The following SLC24A3 variants were observed in gnomAD, a reference collection of about 807,000 sequenced individuals.
SLC24A3 encodes solute carrier family 24 member 3.
In SLC24A3, 28 loss-of-function variants were observed where a neutral mutation model predicts 75.8. The observed-to-expected ratio is 0.37, with a 90% confidence interval of 0.27 to 0.51. SLC24A3 has a LOEUF of 0.51. Ranked by LOEUF, SLC24A3 falls within the 20% of genes least tolerant of loss-of-function variation. The pLI is 0.94. For synonymous variants in SLC24A3, 372 were observed against 334.1 expected, an observed-to-expected ratio of 1.11 and a Z score of -1.24; for missense variants, 663 against 847.8, an observed-to-expected ratio of 0.78 and a Z score of 2.71.
At chr20:19,713,340 T>C (rs2033009819) in intron 15 of SLC24A3, among the ~76,000 whole-genome samples, 2 of 152,124 alleles carry the variant, frequency 1.3e-5, no homozygotes, top group South Asian at 4.1e-4. Flanking sequence ...CTACATAGAC[T>C]CAAAATAATT....
At chr20:19,533,148 C>G (rs3790251) in intron 3 of SLC24A3, among the ~76,000 whole-genome samples, 133,946 of 152,224 alleles carry the variant, frequency 0.88, 59,091 homozygotes, top group Middle Eastern at 0.92. Flanking sequence ...GCTCCTGCTT[C>G]AGGTCTCTCA....
chr20:19,659,281 C>T (rs1000501828), intron 7 of SLC24A3, among the ~76,000 whole-genome samples: 1 of 152,228 alleles, frequency 6.6e-6, no homozygotes, highest in African/African-American at 2.4e-5. Context: ...AACACGTCTC[C>T]TTCCTTCCCT....
rs749347112 is a variant in SLC24A3 at position 19,696,849 on chromosome 20, C to T, written c.1544C>T (p.Thr515Ile). Residue 515 changes from threonine to isoleucine, a missense_variant, in exon 14 of 17, where the codon ACC becomes ATC. Transcript: ENST00000328041. ...LGIPDVIMGI[T>I]FLAAGTSVPD... ...ATTCCTGACGTCATCATGGGGATCA[C>T]CTTCCTGGCTGCTGGGACCAGCGTG... 6.2e-7 allele frequency: 1 copy of T among 1,614,040 alleles called. No individual in the cohort carries two copies. The highest frequency in any genetic ancestry group is 2.2e-5 in the East Asian group (1 of 44,858).
chr20:19,721,268 C>A lies in SLC24A3; in HGVS notation c.*128C>A. The A allele has an allele frequency of 7.9e-7, 1 of 1,261,740 alleles. No individual in the cohort carries two copies. The highest frequency in any genetic ancestry group is 1.1e-6 in the Non-Finnish European group (1 of 917,350). The allele number at this position is 1,261,740 out of a possible 1,614,324, so 78.2% of individuals were successfully genotyped here. The stretch of plus-strand genomic sequence containing the variant: ...CTCCTGTGCTGTCCTCAGGCCTCCG[C>A]TCCTGTTTTGGTGGCCCAGGCTCTC... On this transcript the variant is annotated 3_prime_UTR_variant, in exon 17 of 17. Transcript: ENST00000328041.
At chr20:19,329,729 C>A (rs1984955071) in intron 2 of SLC24A3, among the ~76,000 whole-genome samples, 1 of 152,134 alleles carries the variant, frequency 6.6e-6, no homozygotes, top group Non-Finnish European at 1.5e-5. Context: ...ATATTTTTCC[C>A]CCTTCATAGC....
At chr20:19,642,764 T>C (rs1024464358) in intron 6 of SLC24A3, among the ~76,000 whole-genome samples, 3 of 152,230 alleles carry the variant, frequency 2.0e-5, no homozygotes, top group Non-Finnish European at 2.9e-5. Context: ...CTAAAAAATA[T>C]TCAGCTCCTT....
At chr20:19,251,522 C>T (rs1469032573) in intron 1 of SLC24A3, among the ~76,000 whole-genome samples, 1 of 152,124 alleles carries the variant, frequency 6.6e-6, no homozygotes, top group Non-Finnish European at 1.5e-5. Context: ...AGGGGAAAGG[C>T]AGATAAAGGT....
intron 2 of SLC24A3, among the ~76,000 whole-genome samples, chr20:19,416,739 T>C (rs1193811645): frequency 6.6e-6 from 1 of 152,184 alleles, no homozygotes; most frequent in East Asian, 1.9e-4. Flanking sequence ...CCAAGAACCT[T>C]CACTCATTCC....
chr20:19,707,838 T>C (rs2032946640), intron 15 of SLC24A3, among the ~76,000 whole-genome samples: 1 of 152,236 alleles, frequency 6.6e-6, no homozygotes, highest in African/African-American at 2.4e-5. Context: ...AAGTTTGATA[T>C]GTTTGCGGGT....
At chr20:19,458,966 T>C (rs1283335512) in intron 2 of SLC24A3, among the ~76,000 whole-genome samples, 2 of 152,228 alleles carry the variant, frequency 1.3e-5, no homozygotes, top group African/African-American at 4.8e-5. Flanking sequence ...CCACTTGTTT[T>C]AGCCCATTGG....
At chr20:19,251,017 G>T (rs1270430570) in intron 1 of SLC24A3, among the ~76,000 whole-genome samples, 1 of 152,166 alleles carries the variant, frequency 6.6e-6, no homozygotes, top group East Asian at 1.9e-4. Flanking sequence ...ATATATAAAT[G>T]ATTGCAAATG....
At chr20:19,241,640 A>T (rs988918346) in intron 1 of SLC24A3, among the ~76,000 whole-genome samples, 2 of 152,224 alleles carry the variant, frequency 1.3e-5, no homozygotes, top group African/African-American at 4.8e-5. Flanking sequence ...TGACAAGTAG[A>T]TAAGAATGAT....
intron 3 of SLC24A3, among the ~76,000 whole-genome samples, chr20:19,546,158 CAAAAAAAAAAAAAAAAAAAA>C (rs367781560): frequency 4.3e-5 from 2 of 46,740 alleles, no homozygotes; most frequent in East Asian, 6.9e-4. Context: ...GACTCCGTCT[CAAAAAAAAAAAAAAAAAAAA>C]AAAAAAAAAA....
At chr20:19,543,182 C>T (rs1329885269) in intron 3 of SLC24A3, among the ~76,000 whole-genome samples, 1 of 152,106 alleles carries the variant, frequency 6.6e-6, no homozygotes, top group Middle Eastern at 3.2e-3. Context: ...TCAAAAATTC[C>T]ATTAGATGAA....
chr20:19,705,834 T>G (rs775008375), intron 15 of SLC24A3, among the ~76,000 whole-genome samples: 2 of 152,216 alleles, frequency 1.3e-5, no homozygotes, highest in Non-Finnish European at 2.9e-5. Context: ...TTTTACAGAT[T>G]TTGACATTTC....
intron 3 of SLC24A3, among the ~76,000 whole-genome samples, chr20:19,522,938 C>A (rs370313947): frequency 6.6e-6 from 1 of 152,054 alleles, no homozygotes. Flanking sequence ...CATTTAAAAT[C>A]TCTTTTACCA....
At chr20:19,293,268 C>T (rs529410429) in intron 2 of SLC24A3, among the ~76,000 whole-genome samples, 1 of 152,138 alleles carries the variant, frequency 6.6e-6, no homozygotes, top group Non-Finnish European at 1.5e-5. Flanking sequence ...CGCAGCTGCA[C>T]CTCCCCACTC....
chr20:19,447,524 G>T (rs562531344), intron 2 of SLC24A3, among the ~76,000 whole-genome samples: 10 of 152,146 alleles, frequency 6.6e-5, no homozygotes, highest in East Asian at 5.8e-4. Context: ...GAATAAAGTG[G>T]TTTTTTTGCC....
intron 14 of SLC24A3, among the ~76,000 whole-genome samples, chr20:19,697,256 C>A (rs1480725052): frequency 6.6e-6 from 1 of 152,148 alleles, no homozygotes; most frequent in Admixed American, 6.5e-5. Context: ...CTAGGTAGCA[C>A]CCATAGCCCC....
Sources: allele counts gnomAD v4.1 joint callset (sites outside exome capture counted in the v4.1 genomes callset), GRCh38; gene constraint gnomAD v4.1.1; transcripts MANE v1.5; gene names NCBI Gene and HGNC (gene_info 2026-07-23, HGNC 2026-07-21).